Variants in METTL22 observed in about 807,000 individuals in gnomAD.
METTL22 encodes the protein methyltransferase 22, Kin17 lysine.
In METTL22, 51 loss-of-function variants were observed where a neutral mutation model predicts 48.4. The observed-to-expected ratio is 1.05, with a 90% CI of 0.84 to 1.33. The LOEUF (loss-of-function observed/expected upper bound fraction) is 1.33. Among genes scored for constraint, METTL22 ranks in the 40% most tolerant of loss-of-function variants. METTL22 has a pLI of 0.00. For missense variants in METTL22, 678 were observed against 526.9 expected, an observed-to-expected ratio of 1.29 and a Z score of -2.81; for synonymous variants, 255 against 214.1, an observed-to-expected ratio of 1.19 and a Z score of -1.67.
chr16:8,641,847 A>C (rs577314537), intron 7 of METTL22: 1 of 555,206 alleles, frequency 1.8e-6, no homozygotes, highest in African/African-American at 1.9e-5. Context: ...CATGTCCTGC[A>C]CTGGGCCACA....
chr16:8,654,359 T>C (rs932388818), downstream of METTL22, among the ~76,000 whole-genome samples: 1 of 152,204 alleles, frequency 6.6e-6, no homozygotes, highest in African/African-American at 2.4e-5. Context: ...GGTATGTGTT[T>C]ATAGGTGGAA....
the METTL22 span, among the ~76,000 whole-genome samples, chr16:8,655,115 CA>C: frequency 6.6e-6 from 1 of 152,162 alleles, no homozygotes; most frequent in Admixed American, 6.5e-5. Context: ...TGCTGCATGA[CA>C]AAATACCCCA....
the METTL22 span, among the ~76,000 whole-genome samples, chr16:8,656,401 C>A: frequency 1.3e-5 from 2 of 152,212 alleles, no homozygotes; most frequent in African/African-American, 4.8e-5. Context: ...CCCCCACAGA[C>A]CTGCGTGAGT....
Position 8,646,433 on chromosome 16 carries a change from C to G in METTL22, c.*290C>G, listed in dbSNP as rs1237333161. ...CGTTCCTTCTCAGCTCAGTTCCACC[C>G]ACGTCAGTCATTTCAGCTGTGTGCT... On this transcript the variant is annotated 3_prime_UTR_variant, in exon 11 of 11. Coordinates refer to ENST00000381920, the MANE Select transcript of METTL22 (RefSeq NM_024109.4). The G allele has an allele frequency of 1.5e-6, 1 of 650,520 alleles. No homozygotes were observed. The highest frequency in any genetic ancestry group is 1.5e-5 in the South Asian group (1 of 66,316). 40.3% of individuals were successfully genotyped at this position (650,520 alleles called of 1,614,324 possible). A position where few individuals can be genotyped will look rare whatever the true frequency, so the allele number is the denominator to read the frequency against.
the METTL22 span, among the ~76,000 whole-genome samples, chr16:8,660,833 GAGGA>G: frequency 7.0e-3 from 53 of 7,520 alleles, no homozygotes; most frequent in East Asian, 0.025. Context: ...GGAGGAGGGG[GAGGA>G]GGGGGAGGAG....
rs1641074 is a variant in METTL22 at position 8,648,014 on chromosome 16, G to C, written c.*1871G>C. 0.99 allele frequency: 150,503 copies of C among 152,402 alleles called. 74,348 individuals are homozygous for C. Among genetic ancestry groups the C allele is most frequent in the Middle Eastern group, 1 (296 of 296 alleles). 9.4% of individuals were successfully genotyped at this position (152,402 alleles called of 1,614,324 possible). A position where few individuals can be genotyped will look rare whatever the true frequency, so the allele number is the denominator to read the frequency against. On this transcript the variant is annotated 3_prime_UTR_variant, in exon 11 of 11. Transcript: ENST00000381920. The stretch of plus-strand genomic sequence containing the variant: ...GCAGCAGCAGCATCTGTGGCATCAC[G>C]TGGATGCTGGTTAGAAATGCAACAT...
chr16:8,641,787 C>G, intron 7 of METTL22: 1 of 450,848 alleles, frequency 2.2e-6, no homozygotes, highest in Non-Finnish European at 4.1e-6. Flanking sequence ...TCTGTGAGTG[C>G]AAAACTGAGG....
At chr16:8,642,833 G>A in intron 9 of METTL22, 1 of 519,852 alleles carries the variant, frequency 1.9e-6, no homozygotes, top group Admixed American at 3.2e-5. Flanking sequence ...GGCACGGCTA[G>A]TTAGTGATAG....
At chr16:8,638,119 T>G (rs374594618) in intron 5 of METTL22, among the ~76,000 whole-genome samples, 2 of 168 alleles carry the variant, frequency 0.012, no homozygotes, top group Non-Finnish European at 0.048. Context: ...TGTACTTCAG[T>G]TGGTCAACAA....
chr16:8,638,395 A>C (rs2056489187), intron 5 of METTL22, among the ~76,000 whole-genome samples: 1 of 152,186 alleles, frequency 6.6e-6, no homozygotes, highest in African/African-American at 2.4e-5. Flanking sequence ...TCTAATTAGA[A>C]GTTTATTTTT....
chr16:8,656,195 C>T, the METTL22 span, among the ~76,000 whole-genome samples: 1 of 152,170 alleles, frequency 6.6e-6, no homozygotes, highest in Admixed American at 6.5e-5. Context: ...AGTCTTTCTA[C>T]CTCAGCCTCC....
intron 3 of METTL22, among the ~76,000 whole-genome samples, chr16:8,632,497 C>G (rs1023398437): frequency 2.0e-5 from 3 of 152,212 alleles, no homozygotes; most frequent in African/African-American, 4.8e-5. Flanking sequence ...TGAGCCACTA[C>G]CCGGCCATCT....
At chr16:8,626,190 G>A (rs1261872519) in intron 2 of METTL22, among the ~76,000 whole-genome samples, 1 of 152,004 alleles carries the variant, frequency 6.6e-6, no homozygotes, top group Non-Finnish European at 1.5e-5. Context: ...CTGGAGTCTT[G>A]CTAGCCCAGG....
chr16:8,644,006 A>G (rs571597413), intron 9 of METTL22, among the ~76,000 whole-genome samples: 2 of 152,378 alleles, frequency 1.3e-5, no homozygotes, highest in South Asian at 2.1e-4. Context: ...TTTAATTTCA[A>G]GTGAAACCAT....
downstream of METTL22, among the ~76,000 whole-genome samples, chr16:8,651,279 C>A (rs1171446438): frequency 2.8e-5 from 4 of 144,682 alleles, no homozygotes; most frequent in Non-Finnish European, 6.0e-5. Context: ...CCCAGCTATT[C>A]GGGAGGCTAA....
At chr16:8,637,710 A>G (rs1266285114) in intron 5 of METTL22, among the ~76,000 whole-genome samples, 2 of 152,214 alleles carry the variant, frequency 1.3e-5, no homozygotes, top group African/African-American at 4.8e-5. Flanking sequence ...GAGCTCCCAC[A>G]AGCTGGCCGA....
Position 8,647,599 on chromosome 16 carries a change from CG to C in METTL22, c.*1458del, listed in dbSNP as rs2056827209. On this transcript the variant is annotated 3_prime_UTR_variant, in exon 11 of 11. Transcript: ENST00000381920. Reference sequence around the variant, plus strand: ...TGAACGTTCTATAATGCGGTAATCACGGAGCATCCCCCACAACACAAAATGA... The same window carrying C: ...TGAACGTTCTATAATGCGGTAATCACGAGCATCCCCCACAACACAAAATGA... The C allele has an allele frequency of 1.4e-5, 2 of 143,358 alleles. No homozygotes were observed. The highest frequency in any genetic ancestry group is 4.5e-4 in the South Asian group (2 of 4,438). The allele number at this position is 143,358 out of a possible 1,614,324, so 8.9% of individuals were successfully genotyped here.
the METTL22 span, among the ~76,000 whole-genome samples, chr16:8,663,387 G>A: frequency 1.3e-5 from 2 of 152,044 alleles, no homozygotes; most frequent in Non-Finnish European, 2.9e-5. Flanking sequence ...CTTCGCCTAA[G>A]TGTTACTTGA....
the METTL22 span, among the ~76,000 whole-genome samples, chr16:8,663,578 G>C: frequency 6.6e-6 from 1 of 152,010 alleles, no homozygotes; most frequent in African/African-American, 2.4e-5. Flanking sequence ...CCTGGAGGCT[G>C]GGGGAGGTCC....
Sources: gnomAD v4.1 joint callset for allele counts (sites outside exome capture counted in the v4.1 genomes callset) on GRCh38, gnomAD v4.1.1 for gene constraint, MANE v1.5 for transcripts, NCBI Gene and HGNC (gene_info 2026-07-23, HGNC 2026-07-21) for gene names.